Variants in MACROD2 observed in about 807,000 individuals in gnomAD.
MACROD2 encodes mono-ADP ribosylhydrolase 2, also known as ADP-ribose glycohydrolase MACROD2.
Under a neutral mutation model 70.4 loss-of-function variants are expected in MACROD2, and 36 were observed. That is an observed-to-expected ratio of 0.51 (90% CI 0.39 to 0.68). The LOEUF is 0.68. Among genes scored for constraint, MACROD2 ranks in the 30% least tolerant of loss-of-function variants. The probability of loss-of-function intolerance (pLI) is 0.00; values close to 1 mark genes in which losing one functional copy is unlikely to be tolerated. For missense variants in MACROD2, 496 were observed against 538.4 expected (o/e 0.92, Z 0.78); for synonymous variants, 172 against 178.8 (o/e 0.96, Z 0.30).
At chr20:15,380,132 A>T (rs1303117964) in intron 6 of MACROD2, among the ~76,000 whole-genome samples, 1 of 151,692 alleles carries the variant, frequency 6.6e-6, no homozygotes, top group Non-Finnish European at 1.5e-5. Flanking sequence ...CTCTGACAAC[A>T]TATTCTAAAT....
At chr20:15,592,243 G>A (rs1007390986) in intron 8 of MACROD2, among the ~76,000 whole-genome samples, 4 of 152,180 alleles carry the variant, frequency 2.6e-5, no homozygotes, top group South Asian at 2.1e-4. Context: ...CAAGTATTTC[G>A]ATCCTGGTAC....
chr20:14,456,910 G>A (rs1404187050), intron 3 of MACROD2, among the ~76,000 whole-genome samples: 1 of 151,648 alleles, frequency 6.6e-6, no homozygotes, highest in Non-Finnish European at 1.5e-5. Flanking sequence ...GTAGAGACGG[G>A]GTTTCACCGT....
intron 5 of MACROD2, among the ~76,000 whole-genome samples, chr20:14,796,207 T>A (rs1324770602): frequency 6.6e-6 from 1 of 152,078 alleles, no homozygotes; most frequent in Non-Finnish European, 1.5e-5. Context: ...GTTTTCTGTC[T>A]CCTCTCTGAT....
At chr20:15,537,980 C>T (rs1348043543) in intron 8 of MACROD2, among the ~76,000 whole-genome samples, 4 of 152,178 alleles carry the variant, frequency 2.6e-5, no homozygotes, top group Admixed American at 1.3e-4. Flanking sequence ...AGAGTGCCAG[C>T]CTGGCATATT....
intron 3 of MACROD2, among the ~76,000 whole-genome samples, chr20:14,265,659 T>C (rs2082138334): frequency 6.6e-6 from 1 of 152,214 alleles, no homozygotes; most frequent in African/African-American, 2.4e-5. Context: ...TGTGTGTTTA[T>C]TTTCATTCTT....
At chr20:14,816,157 C>T (rs538505762) in intron 5 of MACROD2, among the ~76,000 whole-genome samples, 20 of 151,878 alleles carry the variant, frequency 1.3e-4, no homozygotes, top group Admixed American at 5.9e-4. Flanking sequence ...AATGAAGGTA[C>T]GGAAAGATAA....
In MACROD2 at chr20:14,403,428, A is replaced by T. The variant is rs144393242; in HGVS notation, c.272-90051A>T. On this transcript the variant is annotated intron_variant, in intron 3 of 17. Transcript: ENST00000684519. ...TTTTAAATAAAAATCAAGGGATGGT[A>T]TTTTTTTTAAAAAGCCCAAAGTATA... Among the ~76,000 whole-genome samples the T allele has an allele frequency of 1.3e-3, 200 of 152,154 alleles. 8 individuals carry two copies. In the East Asian group the frequency reaches 0.037, roughly 28 times the overall value.
chr20:16,033,017 G>T (rs1361081908), intron 15 of MACROD2, among the ~76,000 whole-genome samples: 1 of 151,960 alleles, frequency 6.6e-6, no homozygotes, highest in Non-Finnish European at 1.5e-5. Flanking sequence ...CATTACTTTT[G>T]ACTAAAAACA....
chr20:15,627,228 CAAAAAAAA>C (rs33936061), intron 8 of MACROD2, among the ~76,000 whole-genome samples: 1 of 93,994 alleles, frequency 1.1e-5, no homozygotes, highest in African/African-American at 3.6e-5. Flanking sequence ...AAAAGATTAC[CAAAAAAAA>C]AAAAAAAAAA....
chr20:15,058,123 A>G (rs1002688371), intron 5 of MACROD2, among the ~76,000 whole-genome samples: 1 of 152,156 alleles, frequency 6.6e-6, no homozygotes, highest in South Asian at 2.1e-4. Flanking sequence ...GGGGAAGGGC[A>G]TAGTCTTTCT....
chr20:15,660,401 C>A lies in MACROD2; in HGVS notation c.645+160554C>A, dbSNP rs574436022. Among the ~76,000 whole-genome samples the A allele has an allele frequency of 8.1e-5, 12 of 147,622 alleles. No homozygotes were observed. In the South Asian group the frequency reaches 2.5e-3, roughly 30 times the overall value. ...GTTTGGTGATGGTATCCATGCACAT[C>A]ATTTTTTTTTCACTGAAGCTCACTG... On this transcript the variant is annotated intron_variant, in intron 8 of 17. Transcript: ENST00000684519.
chr20:14,720,020 G>A (rs2071446241), intron 5 of MACROD2, among the ~76,000 whole-genome samples: 1 of 152,120 alleles, frequency 6.6e-6, no homozygotes, highest in Admixed American at 6.5e-5. Flanking sequence ...TCCTTATATG[G>A]TCTGCTTTGT....
At position 15,838,153 on chromosome 20, in the gene MACROD2, TTTTA is replaced by T. The variant is rs1241694894; in HGVS notation, c.646-24591_646-24588del. ...TTTGACCTAGAATATCAAGCTTTTT[TTTTA>T]CTATGGGGCTGTGGTACATTCCATT... On this transcript the variant is annotated intron_variant, in intron 8 of 17. Transcript: ENST00000684519. Among the ~76,000 whole-genome samples the T allele has an allele frequency of 2.0e-5, 3 of 151,982 alleles. No individual in the cohort carries two copies. The East Asian group carries it at 5.9e-4, about 30-fold the overall frequency.
chr20:15,591,403 C>T (rs888691097), intron 8 of MACROD2, among the ~76,000 whole-genome samples: 5 of 151,878 alleles, frequency 3.3e-5, no homozygotes, highest in Non-Finnish European at 7.4e-5. Flanking sequence ...AACTGGTAAC[C>T]AACCGGTCAA....
chr20:15,356,146 G>T (rs1355683528), intron 6 of MACROD2, among the ~76,000 whole-genome samples: 1 of 152,032 alleles, frequency 6.6e-6, no homozygotes, highest in African/African-American at 2.4e-5. Context: ...AGGAGTCACT[G>T]GGTTCAAACC....
intron 8 of MACROD2, among the ~76,000 whole-genome samples, chr20:15,703,286 C>G (rs2050486599): frequency 6.6e-6 from 1 of 152,194 alleles, no homozygotes; most frequent in Non-Finnish European, 1.5e-5. Flanking sequence ...ACTATATCTT[C>G]CACCTGACAT....
At chr20:15,914,723 G>C (rs1215625909) in intron 10 of MACROD2, among the ~76,000 whole-genome samples, 1 of 152,118 alleles carries the variant, frequency 6.6e-6, no homozygotes, top group African/African-American at 2.4e-5. Context: ...ACTATCTAGA[G>C]TGAGCATCAG....
At chr20:14,392,580 C>G (rs188363815) in intron 3 of MACROD2, among the ~76,000 whole-genome samples, 2 of 152,054 alleles carry the variant, frequency 1.3e-5, no homozygotes, top group East Asian at 3.9e-4. Flanking sequence ...TTGTGTGAAC[C>G]TATTATTTTA....
At chr20:14,246,474 T>C (rs1032173332) in intron 3 of MACROD2, among the ~76,000 whole-genome samples, 5 of 152,226 alleles carry the variant, frequency 3.3e-5, no homozygotes, top group African/African-American at 1.2e-4. Flanking sequence ...CTAGCTCAAG[T>C]ATCTCCATTG....
Sources: gnomAD v4.1 joint callset for allele counts (sites outside exome capture counted in the v4.1 genomes callset) on GRCh38, gnomAD v4.1.1 for gene constraint, MANE v1.5 for transcripts, NCBI Gene and HGNC (gene_info 2026-07-23, HGNC 2026-07-21) for gene names.